THRB: variants seen among roughly 807,000 people sequenced by gnomAD.
The protein encoded by THRB is thyroid hormone receptor beta.
THRB carries 12 observed loss-of-function variants against 47.8 expected under a neutral mutation model. The observed-to-expected ratio is 0.25, with a 90% CI of 0.16 to 0.41. The LOEUF (loss-of-function observed/expected upper bound fraction) is 0.41, where lower values mean the gene tolerates loss of function less well. THRB is among the 10% of genes least tolerant of loss of function. The pLI is 1.00. For missense variants in THRB, 348 were observed against 589.2 expected (o/e 0.59, Z 4.24); for synonymous variants, 218 against 212.2 (o/e 1.03, Z -0.24).
intron 1 of THRB, among the ~76,000 whole-genome samples, chr3:24,440,053 T>C (rs975552508): frequency 2.0e-5 from 3 of 152,242 alleles, no homozygotes; most frequent in Non-Finnish European, 4.4e-5. Flanking sequence ...ATATGATCCA[T>C]TATGCCACTG....
intron 5 of THRB, among the ~76,000 whole-genome samples, chr3:24,161,658 A>G (rs2038858119): frequency 6.6e-6 from 1 of 151,628 alleles, no homozygotes; most frequent in African/African-American, 2.4e-5. Context: ...ACACACAGAC[A>G]GAATTCTATC....
intron 1 of THRB, among the ~76,000 whole-genome samples, chr3:24,381,156 A>G (rs558529880): frequency 6.6e-6 from 1 of 152,202 alleles, no homozygotes; most frequent in Non-Finnish European, 1.5e-5. Flanking sequence ...ATTTAGTAAA[A>G]TGAATAAAAA....
At chr3:24,140,047 C>A (rs1006413382) in intron 8 of THRB, among the ~76,000 whole-genome samples, 6 of 152,196 alleles carry the variant, frequency 3.9e-5, no homozygotes, top group African/African-American at 1.4e-4. Context: ...ATGAATACCA[C>A]TTAGCAAAGC....
chr3:24,252,808 T>C (rs1223606243), intron 3 of THRB, among the ~76,000 whole-genome samples: 1 of 152,068 alleles, frequency 6.6e-6, no homozygotes, highest in African/African-American at 2.4e-5. Flanking sequence ...GCAAAGTGCA[T>C]AGCAGTGTAC....
intron 4 of THRB, among the ~76,000 whole-genome samples, chr3:24,207,475 A>C (rs1183476633): frequency 2.6e-5 from 4 of 152,198 alleles, no homozygotes; most frequent in Admixed American, 6.5e-5. Flanking sequence ...TCAATAAATT[A>C]GGTACTGATG....
chr3:24,463,921 G>A (rs1471612932), intron 1 of THRB, among the ~76,000 whole-genome samples: 1 of 152,126 alleles, frequency 6.6e-6, no homozygotes, highest in African/African-American at 2.4e-5. Context: ...AAGAGTTATC[G>A]ACACTTTGAA....
chr3:24,494,465 C>G (rs1313091170), intron 1 of THRB, 187 bp downstream of exon 1: 1 of 151,682 alleles, frequency 6.6e-6, no homozygotes, highest in Non-Finnish European at 1.5e-5. Flanking sequence ...CTCCCAGATC[C>G]GGGGCGCAGA....
intron 1 of THRB, among the ~76,000 whole-genome samples, chr3:24,432,159 A>G (rs901440486): frequency 2.6e-5 from 4 of 152,082 alleles, no homozygotes; most frequent in African/African-American, 9.7e-5. Flanking sequence ...TAGCCTACAT[A>G]TACGTTATAA....
chr3:24,281,000 T>C (rs2150823503), intron 3 of THRB, among the ~76,000 whole-genome samples: 1 of 152,224 alleles, frequency 6.6e-6, no homozygotes, highest in South Asian at 2.1e-4. Context: ...GGAACCAAGT[T>C]GGAAAACACT....
At chr3:24,232,725 C>T (rs756286270) in intron 3 of THRB, among the ~76,000 whole-genome samples, 5 of 151,968 alleles carry the variant, frequency 3.3e-5, no homozygotes, top group Admixed American at 6.6e-5. Context: ...GGTCAGGCCA[C>T]GGCAGGTCCA....
At chr3:24,199,727 T>G (rs1004390698) in intron 4 of THRB, among the ~76,000 whole-genome samples, 1 of 152,232 alleles carries the variant, frequency 6.6e-6, no homozygotes, top group African/African-American at 2.4e-5. Flanking sequence ...AAAGTTTGTG[T>G]TTATAACATT....
chr3:24,252,427 A>C (rs891546877), intron 3 of THRB, among the ~76,000 whole-genome samples: 5 of 152,140 alleles, frequency 3.3e-5, no homozygotes, highest in Admixed American at 6.6e-5. Flanking sequence ...TCACAGTTGA[A>C]TCTATAACTC....
Position 24,423,928 on chromosome 3 carries a change from G to A in THRB, c.-261+70724C>T, listed in dbSNP as rs12637198. Among the ~76,000 whole-genome samples, 157 of 151,844 alleles carry A rather than the reference G, an allele frequency of 1.0e-3. 2 individuals are homozygous for A. In the East Asian group the frequency reaches 0.027, roughly 26 times the overall value. On this transcript the variant is annotated intron_variant, in intron 1 of 10. Transcript: ENST00000646209. ...TTTAAATAGAGAAATTTTTATAAACGTGCTTTCCAGGGACATATTAAGCAT... is the reference window on the plus strand; with the variant it reads ...TTTAAATAGAGAAATTTTTATAAACATGCTTTCCAGGGACATATTAAGCAT...
At chr3:24,334,218 C>G (rs1269684677) in intron 2 of THRB, among the ~76,000 whole-genome samples, 1 of 151,482 alleles carries the variant, frequency 6.6e-6, no homozygotes, top group Non-Finnish European at 1.5e-5. Flanking sequence ...TTTCATAGTT[C>G]TTGCCCGTTG....
intron 3 of THRB, among the ~76,000 whole-genome samples, chr3:24,258,174 G>A (rs1439971518): frequency 6.6e-6 from 1 of 152,112 alleles, no homozygotes; most frequent in Non-Finnish European, 1.5e-5. Flanking sequence ...CTGGGGCCTC[G>A]GACTCATTTG....
At chr3:24,308,443 T>A (rs2057516356) in intron 2 of THRB, among the ~76,000 whole-genome samples, 1 of 152,174 alleles carries the variant, frequency 6.6e-6, no homozygotes, top group African/African-American at 2.4e-5. Context: ...CACTGGTGGA[T>A]ACAGAACATC....
At chr3:24,387,621 T>C (rs1439629506) in intron 1 of THRB, among the ~76,000 whole-genome samples, 1 of 152,160 alleles carries the variant, frequency 6.6e-6, no homozygotes, top group Non-Finnish European at 1.5e-5. Context: ...AGTAGCTTGG[T>C]GCCTGGCATG....
intron 5 of THRB, among the ~76,000 whole-genome samples, chr3:24,164,535 C>T (rs891423576): frequency 6.6e-6 from 1 of 152,096 alleles, no homozygotes; most frequent in African/African-American, 2.4e-5. Flanking sequence ...CCTAGCAAAT[C>T]AACATTAGTA....
intron 4 of THRB, among the ~76,000 whole-genome samples, chr3:24,222,580 G>A (rs1272682649): frequency 6.6e-6 from 1 of 152,182 alleles, no homozygotes; most frequent in East Asian, 1.9e-4. Flanking sequence ...CTGTGGGAGA[G>A]ATGTCTGAGC....
Sources: gnomAD v4.1 joint callset for allele counts (sites outside exome capture counted in the v4.1 genomes callset) on GRCh38, gnomAD v4.1.1 for gene constraint, MANE v1.5 for transcripts, NCBI Gene and HGNC (gene_info 2026-07-23, HGNC 2026-07-21) for gene names.